Variants in ANKHD1 observed in about 807,000 individuals in gnomAD.
ANKHD1 encodes ankyrin repeat and KH domain-containing protein 1.
A neutral mutation model predicts 230.5 loss-of-function variants in ANKHD1; 31 were observed. That is an observed-to-expected ratio of 0.13 (90% confidence interval 0.10 to 0.18). The LOEUF is 0.18. Ranked by LOEUF, ANKHD1 falls within the 10% of genes least tolerant of loss-of-function variation. ANKHD1 has a pLI of 1.00. For synonymous variants in ANKHD1, 1,074 were observed against 1,117.6 expected (o/e 0.96, Z 0.78); for missense variants, 2,256 against 3,071.3 (o/e 0.73, Z 6.27).
intron 7 of ANKHD1, among the ~76,000 whole-genome samples, chr5:140,455,067 CAG>C: frequency 6.6e-6 from 1 of 152,248 alleles, no homozygotes; most frequent in Middle Eastern, 3.4e-3. Context: ...AAACTACCAT[CAG>C]ATAATATTAT....
chr5:140,528,428 G>T lies in ANKHD1; in HGVS notation c.5482G>T (p.Ala1828Ser), dbSNP rs755967286. 5.6e-6 allele frequency: 9 copies of T among 1,613,948 alleles called. No homozygotes were observed. The Admixed American group carries it at 1.5e-4, about 27-fold the overall frequency. The change falls in exon 29 of 34, where the codon GCT becomes TCT. Residue 1828 changes from alanine to serine, a missense_variant. Physicochemically the swap from Ala to Ser is moderately conservative, Grantham distance 99. Coordinates refer to ENST00000360839, the MANE Select transcript of ANKHD1 (RefSeq NM_017747.3). ...QATTLSTFQP[A>S]NKLNKNVPTN... ...AACAACGTTATCTACGTTCCAGCCC[G>T]CTAATAAACTTAATAAGAATGTTCC...
At chr5:140,518,869 C>G (rs552334691) in intron 24 of ANKHD1, among the ~76,000 whole-genome samples, 1 of 152,166 alleles carries the variant, frequency 6.6e-6, no homozygotes, top group South Asian at 2.1e-4. Flanking sequence ...CCTTTGAAAA[C>G]GGGCACAAGA....
At chr5:140,441,627 C>T (rs149182891) in intron 5 of ANKHD1, among the ~76,000 whole-genome samples, 2,460 of 151,766 alleles carry the variant, frequency 0.016, 44 homozygotes, top group Non-Finnish European at 0.022. Context: ...GAGAAGAAAT[C>T]GGAGAAGTAG....
At chr5:140,410,032 TTTG>T (rs1213312287) in intron 1 of ANKHD1, among the ~76,000 whole-genome samples, 3 of 152,106 alleles carry the variant, frequency 2.0e-5, no homozygotes, top group Non-Finnish European at 2.9e-5. Flanking sequence ...ATGAGAGGTT[TTTG>T]TTGTTATTAG....
intron 14 of ANKHD1, among the ~76,000 whole-genome samples, chr5:140,487,630 T>C (rs986452209): frequency 7.2e-5 from 11 of 152,124 alleles, no homozygotes; most frequent in Non-Finnish European, 1.6e-4. Flanking sequence ...AAAACTCAAG[T>C]TTATGAGCTC....
intron 1 of ANKHD1, among the ~76,000 whole-genome samples, chr5:140,414,957 T>TA (rs1354830749): frequency 6.6e-6 from 1 of 152,244 alleles, no homozygotes; most frequent in African/African-American, 2.4e-5. Flanking sequence ...CTTCATTCTG[T>TA]AGCTTGTCAT....
rs767835939 is a variant in ANKHD1, at chr5:140,509,859, C to T, written c.3941+47C>T. ...GTAGAACTTCTCATGGTCATTTTCACTTTTCAGAGCTTTTAAAGTTAATAA... is the reference window on the plus strand; with the variant it reads ...GTAGAACTTCTCATGGTCATTTTCATTTTTCAGAGCTTTTAAAGTTAATAA... On this transcript the variant is annotated intron_variant, in intron 21 of 33. Coordinates refer to ENST00000360839, the MANE Select transcript of ANKHD1 (RefSeq NM_017747.3). The T allele has an allele frequency of 4.5e-6, 7 of 1,571,412 alleles. No homozygotes were observed. The South Asian group carries it at 4.8e-5, about 11-fold the overall frequency.
At chr5:140,477,923 T>C (rs1298888507) in intron 10 of ANKHD1, among the ~76,000 whole-genome samples, 2 of 152,310 alleles carry the variant, frequency 1.3e-5, no homozygotes, top group East Asian at 1.9e-4. Flanking sequence ...AAAATACTTT[T>C]ATAAAATTCA....
chr5:140,490,211 C>T (rs529345597), intron 14 of ANKHD1, among the ~76,000 whole-genome samples: 187 of 152,240 alleles, frequency 1.2e-3, no homozygotes, highest in Non-Finnish European at 2.3e-3. Context: ...TTCCCTAGGA[C>T]TCTCTTTTCC....
intron 6 of ANKHD1, among the ~76,000 whole-genome samples, chr5:140,446,959 G>A (rs1381701989): frequency 2.0e-5 from 3 of 151,774 alleles, no homozygotes; most frequent in Non-Finnish European, 4.4e-5. Context: ...GCCCAGGCTG[G>A]AGTGCAATGG....
chr5:140,412,584 G>T (rs539176853), intron 1 of ANKHD1, among the ~76,000 whole-genome samples: 3 of 152,178 alleles, frequency 2.0e-5, no homozygotes, highest in Non-Finnish European at 1.5e-5. Context: ...GAAAGTTCAG[G>T]TCTTTCATTA....
Position 140,507,109 on chromosome 5 carries a change from C to G in ANKHD1, c.3551+132C>G. 7.7e-7 allele frequency: 1 copy of G among 1,293,242 alleles called. No homozygotes were observed. Among genetic ancestry groups the G allele is most frequent in the Non-Finnish European group, 1.0e-6 (1 of 961,732 alleles). The allele number at this position is 1,293,242 out of a possible 1,614,324, so 80.1% of individuals were successfully genotyped here. On this transcript the variant is annotated intron_variant, in intron 19 of 33. Coordinates refer to ENST00000360839, the MANE Select transcript of ANKHD1 (RefSeq NM_017747.3). This position sits in a 1 kb window ranked among gnomAD's most constrained non-coding sequence, Gnocchi z 4.1. ...AAAGTTGCAAAGCCAACGATTATAC[C>G]TATAATGTGTTTGTTTATAAGTAAT...
chr5:140,424,052 G>A (rs1211002193), intron 1 of ANKHD1, among the ~76,000 whole-genome samples: 1 of 152,042 alleles, frequency 6.6e-6, no homozygotes, highest in Non-Finnish European at 1.5e-5. Flanking sequence ...TTAGGATTTG[G>A]CGTTGTCTAT....
intron 10 of ANKHD1, among the ~76,000 whole-genome samples, chr5:140,478,995 TTTTA>T (rs10696182): frequency 6.8e-6 from 1 of 146,444 alleles, no homozygotes; most frequent in Non-Finnish European, 1.5e-5. Flanking sequence ...TTTTTTTAAT[TTTTA>T]TTTATTTATT....
At chr5:140,474,742 A>AG (rs1750871573) in intron 10 of ANKHD1, among the ~76,000 whole-genome samples, 2 of 151,602 alleles carry the variant, frequency 1.3e-5, no homozygotes. Context: ...GACTACAGGT[A>AG]TGCACCACAA....
chr5:140,485,027 A>G lies in ANKHD1; in HGVS notation c.1871-94A>G, dbSNP rs1751441481. The G allele has an allele frequency of 4.1e-6, 6 of 1,474,050 alleles. No homozygotes were observed. In the African/African-American group the frequency reaches 4.2e-5, roughly 10 times the overall value. 91.3% of individuals were successfully genotyped at this position (1,474,050 alleles called of 1,614,324 possible). On this transcript the variant is annotated intron_variant, in intron 11 of 33. Transcript: ENST00000360839. This position sits in a 1 kb window ranked among gnomAD's most constrained non-coding sequence, Gnocchi z 4.8. ...ATGATTTGTATATTTTTTTGTATCT[A>G]CATTATACTTCACAAAAAATTTTTA...
At chr5:140,439,308 G>A (rs1015703813) in intron 3 of ANKHD1, among the ~76,000 whole-genome samples, 1 of 151,792 alleles carries the variant, frequency 6.6e-6, no homozygotes, top group African/African-American at 2.4e-5. Context: ...CTAATACAGG[G>A]GTGTCCAAAT....
rs752475269 is a variant in ANKHD1, at chr5:140,505,086, TA to T, written c.3151-28del. ...TTGCTCTTAAATTGATAACTTCTGT[TA>T]AAAAAAATTTTAACTTATTTTTTTC... On this transcript the variant is annotated intron_variant, in intron 16 of 33. Transcript: ENST00000360839. The T allele has an allele frequency of 6.4e-5, 103 of 1,604,416 alleles. No individual in the cohort carries two copies. In the Middle Eastern group the frequency reaches 1.2e-3, roughly 18 times the overall value.
At chr5:140,491,135 T>TATATAC (rs1554091209) in intron 14 of ANKHD1, among the ~76,000 whole-genome samples, 1 of 75,048 alleles carries the variant, frequency 1.3e-5, no homozygotes, top group Non-Finnish European at 2.5e-5. Context: ...TATATATATA[T>TATATAC]ACACATATAT....
Sources: gnomAD v4.1 joint callset for allele counts (sites outside exome capture counted in the v4.1 genomes callset) on GRCh38, gnomAD v4.1.1 for gene constraint, Gnocchi (gnomAD v3.1) non-coding constraint, MANE v1.5 for transcripts, NCBI Gene and HGNC (gene_info 2026-07-23, HGNC 2026-07-21) for gene names.